SOX8: variants seen among roughly 807,000 people sequenced by gnomAD.
SOX8 encodes the protein SRY-box transcription factor 8.
Under a neutral mutation model 22.9 loss-of-function variants are expected in SOX8, and 9 were observed. That is an observed-to-expected ratio of 0.39 (90% CI 0.24 to 0.69). The LOEUF is 0.69. Ranked by LOEUF, SOX8 falls within the 30% of genes least tolerant of loss-of-function variation. The pLI is 0.43. For missense variants in SOX8, 734 were observed against 699.4 expected (o/e 1.05, Z -0.56); for synonymous variants, 416 against 330.6 (o/e 1.26, Z -2.80).
chr16:984,068 G>C (rs1236869014), intron 2 of SOX8, 108 bp downstream of exon 2: 4 of 1,002,438 alleles, frequency 4.0e-6, no homozygotes, highest in Non-Finnish European at 5.5e-6. Flanking sequence ...GCGCCCTCGA[G>C]AGAACCGGGC....
rs1289571408 is a variant in SOX8 at position 984,723 on chromosome 16, C to T, written c.678C>T (p.Thr226=). The part of the protein sequence containing the change: ...DHTGQTHGPP[T]PPTTPKTELQ... ...CAGGGCAGACCCACGGGCCGCCCACCCCGCCCACCACCCCCAAGACGGAGC... is the reference window on the plus strand; with the variant it reads ...CAGGGCAGACCCACGGGCCGCCCACTCCGCCCACCACCCCCAAGACGGAGC... The change falls in exon 3 of 3, where the codon ACC becomes ACT. Residue 226 remains threonine, a synonymous_variant. Coordinates refer to ENST00000293894, the MANE Select transcript of SOX8 (RefSeq NM_014587.5). 4.5e-6 allele frequency: 7 copies of T among 1,558,264 alleles called. No homozygotes were observed. The African/African-American group carries it at 8.1e-5, about 18-fold the overall frequency.
At chr16:984,652 G>T in intron 2 of SOX8, 49 bp from the exon 3 acceptor site, 2 of 1,109,584 alleles carry the variant, frequency 1.8e-6, no homozygotes, top group Middle Eastern at 2.9e-4. Flanking sequence ...GGCCCCACCC[G>T]CCCCACAGAA....
At position 985,170 on chromosome 16, in the gene SOX8, C is replaced by T. The variant is rs2073447823; in HGVS notation, c.1125C>T (p.Pro375=). The T allele has an allele frequency of 2.5e-6, 4 of 1,609,496 alleles. No individual in the cohort carries two copies. The highest frequency in any genetic ancestry group is 4.5e-5 in the East Asian group (2 of 44,774). ...CCACCCCGGCCGCCCCCGCCGGCCC[C>T]TTCGCCGGCTCACAGGGCGACTATG... is the stretch of plus-strand genomic sequence containing the variant. The part of the protein sequence containing the change: ...SSATPAAPAG[P]FAGSQGDYGD... The change falls in exon 3 of 3, where the codon CCC becomes CCT. Residue 375 remains proline, a synonymous_variant. Coordinates refer to ENST00000293894, the MANE Select transcript of SOX8 (RefSeq NM_014587.5).
chr16:984,798 G>C lies in SOX8; in HGVS notation c.753G>C (p.Pro251=). 1 of 1,589,302 alleles carries C rather than the reference G, an allele frequency of 6.3e-7. No homozygotes were observed. The highest frequency in any genetic ancestry group is 1.4e-5 in the African/African-American group (1 of 73,898). The change falls in exon 3 of 3, where the codon CCG becomes CCC. Residue 251 remains proline, a synonymous_variant. Transcript: ENST00000293894. ...KPELKLEGRR[P]VDSGRQNIDF... is the part of the protein sequence containing the mutation. ...AGCTGAAGCTGGAGGGACGCCGGCC[G>C]GTGGACAGCGGGCGCCAGAACATCG...
chr16:984,965 A>G lies in SOX8; in HGVS notation c.920A>G (p.Tyr307Cys). 6.3e-7 allele frequency: 1 copy of G among 1,594,874 alleles called. No homozygotes were observed. The highest frequency in any genetic ancestry group is 8.5e-7 in the Non-Finnish European group (1 of 1,171,926). Residue 307 changes from tyrosine (Y) to cysteine (C), a missense_variant, in exon 3 of 3, where the codon TAC becomes TGC. Physicochemically the swap from Tyr to Cys is radical, Grantham distance 194. This residue lies in a region of SOX8 where 588 missense variants were observed against 568.2 expected (regional missense o/e 1.03). Transcript: ENST00000293894. Reference sequence around the variant, plus strand: ...CCGGGCCAGGCCTATGGGGGCGCCTACTTCCACGCCGGGGCGTCCCCCGTG... The same window carrying G: ...CCGGGCCAGGCCTATGGGGGCGCCTGCTTCCACGCCGGGGCGTCCCCCGTG... ...PEPGQAYGGA[Y>C]FHAGASPVWA...
In SOX8 at chr16:986,904, C is replaced by A. The variant is rs2073467231; in HGVS notation, c.*1518C>A. 1 of 152,300 alleles carries A rather than the reference C, an allele frequency of 6.6e-6. No homozygotes were observed. The highest frequency in any genetic ancestry group is 1.5e-5 in the Non-Finnish European group (1 of 68,054). The allele number at this position is 152,300 out of a possible 1,614,324, so 9.4% of individuals were successfully genotyped here. ...CGCACCCTCACTCCCCTGCTGCCTT[C>A]ACTCCTTTCTGACCAAGCAACGCTA... On this transcript the variant is annotated 3_prime_UTR_variant, in exon 3 of 3. Coordinates refer to ENST00000293894, the MANE Select transcript of SOX8 (RefSeq NM_014587.5).
chr16:982,120 C>T lies in SOX8; in HGVS notation c.198C>T (p.Ala66=). ...AGGCGGCGGACGAGCGCTTCCCGGC[C>T]TGCATCCGCGACGCCGTGTCGCAGG... ...PAEAADERFP[A]CIRDAVSQVL... is the part of the protein sequence containing the mutation. Residue 66 remains alanine (A), a synonymous_variant, in exon 1 of 3, where the codon GCC becomes GCT. Transcript: ENST00000293894. 7.1e-7 allele frequency: 1 copy of T among 1,417,282 alleles called. No homozygotes were observed. The highest frequency in any genetic ancestry group is 9.2e-7 in the Non-Finnish European group (1 of 1,086,672). 87.8% of individuals were successfully genotyped at this position (1,417,282 alleles called of 1,614,324 possible). A position where few individuals can be genotyped will look rare whatever the true frequency, so the allele number is the denominator to read the frequency against.
At position 985,336 on chromosome 16, in the gene SOX8, C is replaced by T. The variant is rs975137961; in HGVS notation, c.1291C>T (p.Pro431Ser). 8.8e-6 allele frequency: 14 copies of T among 1,595,340 alleles called. No homozygotes were observed. Among genetic ancestry groups the T allele is most frequent in the Admixed American group, 5.1e-5 (3 of 59,120 alleles). The change falls in exon 3 of 3, where the codon CCC (proline) becomes TCC (serine). Residue 431 changes from proline (P) to serine (S), a missense_variant. Pro to Ser is a moderately conservative substitution (Grantham distance 74). Transcript: ENST00000293894. ...CCTGGCCCTGCCGCCCGCCCACAGC[C>T]CCACCAGTCACTGGGACCAGCCGGT... ...NGLALPPAHSPTSHWDQPVYT... is the reference protein window; with the variant it reads ...NGLALPPAHSSTSHWDQPVYT...
intron 1 of SOX8, 24 bp downstream of exon 1, chr16:982,368 G>A: frequency 7.5e-7 from 1 of 1,330,706 alleles, no homozygotes; most frequent in South Asian, 2.1e-5. Context: ...CCCCGGGGGC[G>A]GGGTTCGGGA....
chr16:982,261 G>T lies in SOX8; in HGVS notation c.339G>T (p.Ala113=). ...CCATGAACGCATTCATGGTGTGGGC[G>T]CAGGCGGCGCGCCGCAAGCTGGCCG... is the stretch of plus-strand genomic sequence containing the variant. The part of the protein sequence containing the change: ...KRPMNAFMVW[A]QAARRKLADQ... The change falls in exon 1 of 3, where the codon GCG becomes GCT. Residue 113 remains alanine, a synonymous_variant. Coordinates refer to ENST00000293894, the MANE Select transcript of SOX8 (RefSeq NM_014587.5). 1.3e-6 allele frequency: 2 copies of T among 1,528,438 alleles called. No homozygotes were observed. The highest frequency in any genetic ancestry group is 1.8e-6 in the Non-Finnish European group (2 of 1,140,642). The allele number at this position is 1,528,438 out of a possible 1,614,324, so 94.7% of individuals were successfully genotyped here.
intron 1 of SOX8, chr16:982,784 G>A (rs377319928): frequency 1.3e-5 from 2 of 159,638 alleles, no homozygotes; most frequent in East Asian, 1.8e-4. Flanking sequence ...CTAGCTCCTG[G>A]ACCACCCATG....
At chr16:984,613 GC>G in intron 2 of SOX8, 87 bp from the exon 3 acceptor site, 1 of 778,110 alleles carries the variant, frequency 1.3e-6, no homozygotes, top group South Asian at 2.0e-5. Context: ...GGCAGTTAGC[GC>G]GGGCGTCCCT....
At position 983,916 on chromosome 16, in the gene SOX8, C is replaced by G. The variant is rs1474168997; in HGVS notation, c.611C>G (p.Ala204Gly). The change falls in exon 2 of 3, where the codon GCT becomes GGT. Residue 204 changes from alanine to glycine, a missense_variant. Physicochemically the swap from Ala to Gly is moderately conservative, Grantham distance 60. This residue lies in a region of SOX8 where 588 missense variants were observed against 568.2 expected (regional missense o/e 1.03). Coordinates refer to ENST00000293894, the MANE Select transcript of SOX8 (RefSeq NM_014587.5). Reference protein sequence around the residue: ...PHPGGGAVYKAEAGLGDGHHH... With the variant: ...PHPGGGAVYKGEAGLGDGHHH... ...CCTGGCGGCGGTGCCGTGTACAAGGCTGAAGCAGGGCTTGGAGATGGGCAC... is the reference window on the plus strand; with the variant it reads ...CCTGGCGGCGGTGCCGTGTACAAGGGTGAAGCAGGGCTTGGAGATGGGCAC... 1 of 1,585,146 alleles carries G rather than the reference C, an allele frequency of 6.3e-7. No homozygotes were observed. The highest frequency in any genetic ancestry group is 1.8e-5 in the Admixed American group (1 of 56,012).
At chr16:984,381 G>A (rs1372834596) in intron 2 of SOX8, among the ~76,000 whole-genome samples, 2 of 152,224 alleles carry the variant, frequency 1.3e-5, no homozygotes, top group African/African-American at 4.8e-5. Context: ...CTGGCCCGGG[G>A]AGGAACAGGG....
At position 985,210 on chromosome 16, in the gene SOX8, T is replaced by C. The variant is rs527598663; in HGVS notation, c.1165T>C (p.Ser389Pro). 2.5e-6 allele frequency: 4 copies of C among 1,611,916 alleles called. No individual in the cohort carries two copies. The highest frequency in any genetic ancestry group is 3.4e-6 in the Non-Finnish European group (4 of 1,179,528). Residue 389 changes from serine (S) to proline (P), a missense_variant, in exon 3 of 3, where the codon TCC becomes CCC. Transcript: ENST00000293894. ...SQGDYGDLQA[S>P]SYYGAYPGYA... ...GGGCGACTATGGCGACCTGCAGGCC[T>C]CCAGCTACTATGGTGCCTACCCTGG... is the stretch of plus-strand genomic sequence containing the variant.
In SOX8 at chr16:984,803, A is replaced by G; in HGVS notation, c.758A>G (p.Asp253Gly). 6.3e-7 allele frequency: 1 copy of G among 1,597,518 alleles called. No individual in the cohort carries two copies. The highest frequency in any genetic ancestry group is 1.1e-5 in the South Asian group (1 of 90,782). The change falls in exon 3 of 3, where the codon GAC becomes GGC. Residue 253 changes from aspartate (D) to glycine (G), a missense_variant. Asp to Gly is a moderately conservative substitution (Grantham distance 94, BLOSUM62 -1). Coordinates refer to ENST00000293894, the MANE Select transcript of SOX8 (RefSeq NM_014587.5). Reference sequence around the variant, plus strand: ...AAGCTGGAGGGACGCCGGCCGGTGGACAGCGGGCGCCAGAACATCGACTTC... The same window carrying G: ...AAGCTGGAGGGACGCCGGCCGGTGGGCAGCGGGCGCCAGAACATCGACTTC... ...ELKLEGRRPV[D>G]SGRQNIDFSN...
Position 984,995 on chromosome 16 carries a change from C to A in SOX8, c.950C>A (p.Ala317Asp). ...CACGCCGGGGCGTCCCCCGTGTGGGCCCACAAGAGTGCCCCGTCGGCCTCC... is the reference window on the plus strand; with the variant it reads ...CACGCCGGGGCGTCCCCCGTGTGGGACCACAAGAGTGCCCCGTCGGCCTCC... ...YFHAGASPVW[A>D]HKSAPSASAS... The change falls in exon 3 of 3, where the codon GCC becomes GAC. Residue 317 changes from alanine (A) to aspartate (D), a missense_variant. Coordinates refer to ENST00000293894, the MANE Select transcript of SOX8 (RefSeq NM_014587.5). The A allele has an allele frequency of 1.3e-6, 2 of 1,585,230 alleles. No individual in the cohort carries two copies. Among genetic ancestry groups the A allele is most frequent in the Non-Finnish European group, 1.7e-6 (2 of 1,169,448 alleles).
At chr16:982,596 G>A in intron 1 of SOX8, 1 of 386,726 alleles carries the variant, frequency 2.6e-6, no homozygotes, top group Non-Finnish European at 4.5e-6. Context: ...CTCGTGGCGG[G>A]TGCGCTCTGG....
rs768467386 is a variant in SOX8, at chr16:983,886, C to G, written c.581C>G (p.Pro194Arg). 6.2e-7 allele frequency: 1 copy of G among 1,609,086 alleles called. No homozygotes were observed. The highest frequency in any genetic ancestry group is 1.1e-5 in the South Asian group (1 of 90,606). Reference protein sequence around the residue: ...SDSDSGAELGPHPGGGAVYKA... With the variant: ...SDSDSGAELGRHPGGGAVYKA... ...TCCGACTCGGGCGCGGAGCTGGGACCCCACCCTGGCGGCGGTGCCGTGTAC... is the reference window on the plus strand; with the variant it reads ...TCCGACTCGGGCGCGGAGCTGGGACGCCACCCTGGCGGCGGTGCCGTGTAC... The change falls in exon 2 of 3, where the codon CCC (proline) becomes CGC (arginine). Residue 194 changes from proline (P) to arginine (R), a missense_variant. Pro to Arg is a moderately radical substitution (Grantham distance 103, BLOSUM62 -2). This residue lies in a region of SOX8 where 588 missense variants were observed against 568.2 expected (regional missense o/e 1.03). Coordinates refer to ENST00000293894, the MANE Select transcript of SOX8 (RefSeq NM_014587.5).
Sources: gnomAD v4.1 joint callset for allele counts (sites outside exome capture counted in the v4.1 genomes callset) on GRCh38, gnomAD v4.1.1 for gene constraint, gnomAD v4.1.1 regional missense constraint, MANE v1.5 for transcripts, NCBI Gene and HGNC (gene_info 2026-07-23, HGNC 2026-07-21) for gene names.